Variants in P4HA1 observed in about 807,000 individuals in gnomAD.
P4HA1 encodes prolyl 4-hydroxylase subunit alpha-1.
P4HA1 carries 24 observed loss-of-function variants against 72.8 expected under a neutral mutation model. That is an observed-to-expected ratio of 0.33 (90% confidence interval 0.24 to 0.46). P4HA1 has a LOEUF of 0.46. Ranked by LOEUF, P4HA1 falls within the 20% of genes least tolerant of loss-of-function variation. The pLI is 1.00. For synonymous variants in P4HA1, 201 were observed against 218.8 expected, an observed-to-expected ratio of 0.92 and a Z score of 0.72; for missense variants, 446 against 640.6, an observed-to-expected ratio of 0.70 and a Z score of 3.28.
intron 10 of P4HA1, among the ~76,000 whole-genome samples, chr10:73,021,623 T>C (rs1431842462): frequency 6.6e-6 from 1 of 152,198 alleles, no homozygotes; most frequent in African/African-American, 2.4e-5. Context: ...ACCTGGTTCA[T>C]CTCATTGGGA....
intron 9 of P4HA1, chr10:73,043,865 G>C (rs1329739848): frequency 2.2e-5 from 34 of 1,549,374 alleles, no homozygotes; most frequent in Non-Finnish European, 3.0e-5. Flanking sequence ...TATGACTAAA[G>C]TTCTCTCCAT....
intron 1 of P4HA1, among the ~76,000 whole-genome samples, chr10:73,083,404 T>C (rs1564637704): frequency 6.6e-6 from 1 of 152,198 alleles, no homozygotes; most frequent in Non-Finnish European, 1.5e-5. Context: ...TTGTAGCACT[T>C]ATTGGCATAA....
At chr10:73,087,445 T>G (rs972054222) in intron 1 of P4HA1, among the ~76,000 whole-genome samples, 9 of 151,890 alleles carry the variant, frequency 5.9e-5, no homozygotes, top group African/African-American at 2.2e-4. Flanking sequence ...ATTTTGTATT[T>G]TTAGTAGAGA....
chr10:73,077,823 A>C (rs1001040372), intron 1 of P4HA1, among the ~76,000 whole-genome samples: 79 of 151,842 alleles, frequency 5.2e-4, no homozygotes, highest in African/African-American at 1.9e-3. Context: ...TCTACAAAAA[A>C]AAAAAAAATC....
intron 11 of P4HA1, among the ~76,000 whole-genome samples, chr10:73,015,443 T>C (rs1198237658): frequency 6.6e-6 from 1 of 152,184 alleles, no homozygotes; most frequent in Non-Finnish European, 1.5e-5. Context: ...TCAAAACTTT[T>C]AGTGCTAACA....
At chr10:73,023,079 A>C (rs1005296751) in intron 10 of P4HA1, among the ~76,000 whole-genome samples, 1 of 152,180 alleles carries the variant, frequency 6.6e-6, no homozygotes, top group Non-Finnish European at 1.5e-5. Context: ...CTATTCAGGA[A>C]ATTATCCAGG....
rs746872393 is a variant in P4HA1, at chr10:73,022,985, T to TG, written c.1249-6087dup. 1.3e-4 allele frequency among the ~76,000 whole-genome samples: 20 copies of TG among 152,228 alleles called. 1 individual carries two copies. The highest frequency in any genetic ancestry group is 2.6e-4 in the Admixed American group (4 of 15,296). ...AAACAAATAAAGCCTCCAAGAAATA[T>TG]GGGACTATCTAAAAAGACCAAATCT... is the stretch of plus-strand genomic sequence containing the variant. On this transcript the variant is annotated intron_variant, in intron 10 of 14. Coordinates refer to ENST00000394890, the MANE Select transcript of P4HA1 (RefSeq NM_001017962.3).
intron 5 of P4HA1, among the ~76,000 whole-genome samples, chr10:73,059,215 G>C (rs9787606): frequency 6.6e-6 from 1 of 151,812 alleles, no homozygotes; most frequent in Non-Finnish European, 1.5e-5. Flanking sequence ...AAAAGTATAA[G>C]AATGAAAGTG....
At chr10:73,090,856 T>C (rs1244536428) in intron 1 of P4HA1, among the ~76,000 whole-genome samples, 1 of 151,228 alleles carries the variant, frequency 6.6e-6, no homozygotes, top group African/African-American at 2.4e-5. Context: ...CGGTCAGGAG[T>C]TCGAGACCCG....
intron 1 of P4HA1, among the ~76,000 whole-genome samples, chr10:73,084,599 C>T (rs979241672): frequency 6.6e-6 from 1 of 152,116 alleles, no homozygotes; most frequent in Non-Finnish European, 1.5e-5. Context: ...CAGATGTGAG[C>T]CACCGTGCCC....
Position 73,051,197 on chromosome 10 carries a change from C to G in P4HA1, c.756G>C (p.Met252Ile). The change falls in exon 7 of 15, where the codon ATG (methionine) becomes ATC (isoleucine). Residue 252 changes from methionine to isoleucine, a missense_variant. Physicochemically the swap from Met to Ile is conservative, Grantham distance 10. Coordinates refer to ENST00000394890, the MANE Select transcript of P4HA1 (RefSeq NM_001017962.3). ...NGNLKYFEYIMAKEKDVNKSA... is the reference protein window; with the variant it reads ...NGNLKYFEYIIAKEKDVNKSA... ...ACTTATTGACATCTTTTTCTTTAGC[C>G]ATTATATACTCAAAATATTTTAAGT... 1.2e-6 allele frequency: 2 copies of G among 1,606,836 alleles called. No homozygotes were observed. The highest frequency in any genetic ancestry group is 2.2e-5 in the South Asian group (2 of 90,886).
chr10:73,064,484 A>AATAAC (rs1841377037), intron 5 of P4HA1, among the ~76,000 whole-genome samples: 1 of 151,858 alleles, frequency 6.6e-6, no homozygotes, highest in African/African-American at 2.4e-5. Context: ...GTCTCAAAAA[A>AATAAC]ATAAAGAAAA....
At chr10:73,029,091 G>A (rs1360262992) in intron 10 of P4HA1, among the ~76,000 whole-genome samples, 1 of 151,844 alleles carries the variant, frequency 6.6e-6, no homozygotes, top group Non-Finnish European at 1.5e-5. Context: ...TTTATGAGCT[G>A]CATATTGACT....
intron 9 of P4HA1, among the ~76,000 whole-genome samples, chr10:73,035,947 G>A (rs1399275081): frequency 1.3e-5 from 2 of 152,130 alleles, no homozygotes; most frequent in Non-Finnish European, 2.9e-5. Flanking sequence ...CCAGCACTTT[G>A]GGAGACTGAG....
intron 9 of P4HA1, among the ~76,000 whole-genome samples, chr10:73,042,038 G>A (rs1315224342): frequency 2.6e-5 from 4 of 151,736 alleles, no homozygotes; most frequent in Non-Finnish European, 4.4e-5. Flanking sequence ...TTGTAGAGTT[G>A]GGGTTTTAAC....
At chr10:73,028,263 C>T (rs1447472474) in intron 10 of P4HA1, among the ~76,000 whole-genome samples, 2 of 150,960 alleles carry the variant, frequency 1.3e-5, no homozygotes, top group African/African-American at 4.9e-5. Flanking sequence ...ACCACGTGTT[C>T]TGACAAAGAC....
At chr10:73,036,391 T>C (rs1446734587) in intron 9 of P4HA1, among the ~76,000 whole-genome samples, 1 of 151,916 alleles carries the variant, frequency 6.6e-6, no homozygotes, top group Non-Finnish European at 1.5e-5. Flanking sequence ...CCCTCCAAAA[T>C]ATAGTAACAC....
intron 7 of P4HA1, among the ~76,000 whole-genome samples, chr10:73,049,628 T>C (rs1443455447): frequency 6.6e-6 from 1 of 152,222 alleles, no homozygotes; most frequent in African/African-American, 2.4e-5. Flanking sequence ...TCTATAGAAC[T>C]GGAATTCTGA....
At chr10:73,027,516 G>A (rs952118095) in intron 10 of P4HA1, among the ~76,000 whole-genome samples, 4 of 150,330 alleles carry the variant, frequency 2.7e-5, no homozygotes, top group African/African-American at 9.8e-5. Context: ...GTTGATGGGT[G>A]CAGCAAACCA....
Sources: gnomAD v4.1 joint callset for allele counts (sites outside exome capture counted in the v4.1 genomes callset) on GRCh38, gnomAD v4.1.1 for gene constraint, MANE v1.5 for transcripts, NCBI Gene and HGNC (gene_info 2026-07-23, HGNC 2026-07-21) for gene names.